The following SLC24A3 variants were observed in gnomAD, a reference collection of about 807,000 sequenced individuals.
SLC24A3 encodes solute carrier family 24 member 3, also known as sodium/potassium/calcium exchanger 3.
Under a neutral mutation model 75.8 loss-of-function variants are expected in SLC24A3, and 28 were observed. The observed-to-expected ratio is 0.37, with a 90% CI of 0.27 to 0.51. SLC24A3 has a LOEUF of 0.51. SLC24A3 is among the 20% of genes least tolerant of loss of function. The pLI is 0.94. For missense variants in SLC24A3, 663 were observed against 847.8 expected (o/e 0.78, Z 2.71); for synonymous variants, 372 against 334.1 (o/e 1.11, Z -1.24).
intron 6 of SLC24A3, among the ~76,000 whole-genome samples, chr20:19,612,607 A>AGT (rs71198018): frequency 0.23 from 33,365 of 146,790 alleles, 3,833 homozygotes; most frequent in East Asian, 0.28. Flanking sequence ...CCTTAAGAAA[A>AGT]GTGTGTGTGT....
At chr20:19,229,221 C>T (rs901861797) in intron 1 of SLC24A3, among the ~76,000 whole-genome samples, 2 of 151,866 alleles carry the variant, frequency 1.3e-5, no homozygotes, top group Non-Finnish European at 1.5e-5. Context: ...TCAGTACTAA[C>T]GTATATGTTT....
intron 1 of SLC24A3, among the ~76,000 whole-genome samples, chr20:19,259,970 GA>G (rs1982931906): frequency 6.6e-6 from 1 of 152,292 alleles, no homozygotes; most frequent in East Asian, 1.9e-4. Flanking sequence ...GCATGTTAGT[GA>G]AGCCAAAGAA....
chr20:19,306,912 A>G (rs910790912), intron 2 of SLC24A3, among the ~76,000 whole-genome samples: 2 of 152,310 alleles, frequency 1.3e-5, no homozygotes, highest in Admixed American at 1.3e-4. Flanking sequence ...CTCTCACGTG[A>G]CACTGCATAG....
At chr20:19,700,278 C>A (rs1338049979) in intron 15 of SLC24A3, among the ~76,000 whole-genome samples, 1 of 152,192 alleles carries the variant, frequency 6.6e-6, no homozygotes, top group Non-Finnish European at 1.5e-5. Context: ...CATGTCTCTT[C>A]CAAGCAGAAA....
At chr20:19,491,058 A>C (rs565682591) in intron 2 of SLC24A3, among the ~76,000 whole-genome samples, 1 of 152,172 alleles carries the variant, frequency 6.6e-6, no homozygotes, top group African/African-American at 2.4e-5. Context: ...CCCATGCACT[A>C]ATCACCCAGT....
chr20:19,465,020 A>G (rs1276380575), intron 2 of SLC24A3, among the ~76,000 whole-genome samples: 2 of 152,198 alleles, frequency 1.3e-5, no homozygotes, highest in African/African-American at 4.8e-5. Flanking sequence ...GCTGTGGAGC[A>G]CTCAAAATGT....
intron 3 of SLC24A3, among the ~76,000 whole-genome samples, chr20:19,526,689 T>C (rs913372017): frequency 4.6e-5 from 7 of 152,140 alleles, no homozygotes; most frequent in African/African-American, 1.4e-4. Flanking sequence ...GTGGGGAGAG[T>C]GGGTTTTCAG....
At chr20:19,454,139 G>A (rs920447960) in intron 2 of SLC24A3, among the ~76,000 whole-genome samples, 3 of 152,118 alleles carry the variant, frequency 2.0e-5, no homozygotes, top group African/African-American at 7.2e-5. Flanking sequence ...AGGCGGGTCT[G>A]ATGTAATTGA....
intron 2 of SLC24A3, among the ~76,000 whole-genome samples, chr20:19,287,585 T>C (rs1186657200): frequency 6.6e-6 from 1 of 152,264 alleles, no homozygotes; most frequent in African/African-American, 2.4e-5. Context: ...AATTTATGTC[T>C]GCCAAGGCTG....
intron 2 of SLC24A3, 150 bp downstream of exon 2, chr20:19,281,237 A>T (rs1983655269): frequency 8.8e-7 from 1 of 1,141,078 alleles, no homozygotes; most frequent in African/African-American, 1.6e-5. Context: ...TTCAGGTGAC[A>T]TCCTGAGGGA....
intron 2 of SLC24A3, among the ~76,000 whole-genome samples, chr20:19,324,546 G>A (rs1016129767): frequency 1.3e-5 from 2 of 152,114 alleles, no homozygotes; most frequent in Non-Finnish European, 2.9e-5. Context: ...CTGGCCTTGG[G>A]GTTCACTGTG....
chr20:19,315,995 G>A (rs1363761818), intron 2 of SLC24A3, among the ~76,000 whole-genome samples: 1 of 152,158 alleles, frequency 6.6e-6, no homozygotes, highest in Non-Finnish European at 1.5e-5. Flanking sequence ...ATTACAAAGT[G>A]TTGAACGTCT....
Position 19,452,525 on chromosome 20 carries a change from G to C in SLC24A3, c.272-62963G>C, listed in dbSNP as rs369978734. ...GGACCCTTAACTGGGAAAGACTGAGGCACTTGGTGGAGTTGGAAATAGTCA... is the reference window on the plus strand; with the variant it reads ...GGACCCTTAACTGGGAAAGACTGAGCCACTTGGTGGAGTTGGAAATAGTCA... On this transcript the variant is annotated intron_variant, in intron 2 of 16. Coordinates refer to ENST00000328041, the MANE Select transcript of SLC24A3 (RefSeq NM_020689.4). Among the ~76,000 whole-genome samples the C allele has an allele frequency of 1.6e-4, 25 of 151,850 alleles. No individual in the cohort carries two copies. In the East Asian group the frequency reaches 4.7e-3, roughly 28 times the overall value.
intron 15 of SLC24A3, among the ~76,000 whole-genome samples, chr20:19,704,834 G>T (rs943165237): frequency 5.3e-5 from 8 of 152,110 alleles, no homozygotes; most frequent in Admixed American, 4.6e-4. Flanking sequence ...GTGGGCAGGG[G>T]TCACACTGGG....
Position 19,281,011 on chromosome 20 carries a change from G to A in SLC24A3, c.195G>A (p.Arg65=). The change falls in exon 2 of 17, where the codon AGG becomes AGA. Residue 65 remains arginine, a synonymous_variant. Coordinates refer to ENST00000328041, the MANE Select transcript of SLC24A3 (RefSeq NM_020689.4). ...AAGACAGAAAGTGGATGATGGCGAG[G>A]AAGCTGATGCAGGTGAACGACACTC... The part of the protein sequence containing the change: ...VGEDRKWMMA[R]KLMQVNDTLT... 1 of 1,614,120 alleles carries A rather than the reference G, an allele frequency of 6.2e-7. No individual in the cohort carries two copies. The highest frequency in any genetic ancestry group is 8.5e-7 in the Non-Finnish European group (1 of 1,179,994).
intron 1 of SLC24A3, among the ~76,000 whole-genome samples, chr20:19,240,189 C>T (rs1982289137): frequency 6.6e-6 from 1 of 152,124 alleles, no homozygotes; most frequent in Non-Finnish European, 1.5e-5. Flanking sequence ...GCCAGTGGGG[C>T]TTCAGGTCAC....
At chr20:19,468,307 A>G (rs556587469) in intron 2 of SLC24A3, among the ~76,000 whole-genome samples, 1 of 152,278 alleles carries the variant, frequency 6.6e-6, no homozygotes, top group South Asian at 2.1e-4. Flanking sequence ...ATGATGGAGT[A>G]GAAAGGGAGA....
intron 2 of SLC24A3, among the ~76,000 whole-genome samples, chr20:19,311,021 C>CTCCTTCCCTT (rs563188494): frequency 6.6e-6 from 1 of 151,606 alleles, no homozygotes; most frequent in Non-Finnish European, 1.5e-5. Context: ...GCTTCCATCC[C>CTCCTTCCCTT]TCCTTCCCTT....
intron 2 of SLC24A3, among the ~76,000 whole-genome samples, chr20:19,397,647 C>CTTTTTTTTTTTTTTTTTTT (rs3057518): frequency 8.5e-6 from 1 of 117,106 alleles, no homozygotes; most frequent in Non-Finnish European, 1.8e-5. Context: ...TTTTTCTTTT[C>CTTTTTTTTTTTTTTTTTTT]TTTTTTTTTT....
Sources: gnomAD v4.1 joint callset for allele counts (sites outside exome capture counted in the v4.1 genomes callset) on GRCh38, gnomAD v4.1.1 for gene constraint, MANE v1.5 for transcripts, NCBI Gene and HGNC (gene_info 2026-07-23, HGNC 2026-07-21) for gene names.